The following GFRA1 variants were observed in gnomAD, a reference collection of about 807,000 sequenced individuals.
The protein encoded by GFRA1 is GDNF family receptor alpha-1.
GFRA1 carries 16 observed loss-of-function variants against 51.6 expected under a neutral mutation model. The observed-to-expected ratio is 0.31, with a 90% CI of 0.21 to 0.47. The LOEUF (loss-of-function observed/expected upper bound fraction) is 0.47. Among genes scored for constraint, GFRA1 ranks in the 20% least tolerant of loss-of-function variants. GFRA1 has a pLI of 1.00. For missense variants in GFRA1, 530 were observed against 594.3 expected (o/e 0.89, Z 1.13); for synonymous variants, 270 against 241.3 (o/e 1.12, Z -1.10).
At chr10:116,115,791 T>C (rs1957389438) in intron 6 of GFRA1, among the ~76,000 whole-genome samples, 1 of 152,170 alleles carries the variant, frequency 6.6e-6, no homozygotes, top group Admixed American at 6.5e-5. Flanking sequence ...TTGGGTTAGT[T>C]CAGGCCTGGG....
chr10:116,080,884 ACT>A (rs921248112), intron 9 of GFRA1, among the ~76,000 whole-genome samples: 10 of 152,016 alleles, frequency 6.6e-5, no homozygotes, highest in African/African-American at 2.4e-4. Flanking sequence ...ACTTAATAAA[ACT>A]CTAACAAAAC....
chr10:116,121,659 A>C (rs915254369), intron 6 of GFRA1, among the ~76,000 whole-genome samples: 2 of 152,206 alleles, frequency 1.3e-5, no homozygotes, highest in Non-Finnish European at 2.9e-5. Context: ...GCTGATGTTA[A>C]GATGGAAATG....
intron 4 of GFRA1, among the ~76,000 whole-genome samples, chr10:116,255,171 T>C (rs1005387530): frequency 3.3e-5 from 5 of 152,190 alleles, no homozygotes; most frequent in African/African-American, 9.7e-5. Context: ...GGAACAAATG[T>C]CGACAAGATA....
chr10:116,167,847 CAT>C (rs879270878), intron 5 of GFRA1, among the ~76,000 whole-genome samples: 2 of 152,142 alleles, frequency 1.3e-5, no homozygotes, highest in Admixed American at 1.3e-4. Context: ...ATGAAATACT[CAT>C]GAGAGTCAGC....
chr10:116,177,023 A>G (rs1396138344), intron 5 of GFRA1, among the ~76,000 whole-genome samples: 2 of 152,178 alleles, frequency 1.3e-5, no homozygotes, highest in Non-Finnish European at 2.9e-5. Context: ...GGGAACAAAA[A>G]CAGAGAGGCT....
At chr10:116,155,631 A>G (rs1959185093) in intron 5 of GFRA1, among the ~76,000 whole-genome samples, 1 of 151,978 alleles carries the variant, frequency 6.6e-6, no homozygotes, top group Non-Finnish European at 1.5e-5. Flanking sequence ...GGTCAGGTTC[A>G]GCAAAATATG....
At chr10:116,103,777 T>C (rs1481043184) in intron 6 of GFRA1, among the ~76,000 whole-genome samples, 1 of 152,262 alleles carries the variant, frequency 6.6e-6, no homozygotes, top group Non-Finnish European at 1.5e-5. Flanking sequence ...CTTTCTGTTT[T>C]TAGAAAATTA....
At chr10:116,168,653 G>A (rs1326544246) in intron 5 of GFRA1, among the ~76,000 whole-genome samples, 2 of 152,108 alleles carry the variant, frequency 1.3e-5, no homozygotes, top group Non-Finnish European at 2.9e-5. Context: ...GGCCAACCTC[G>A]GGGGGTTAAC....
chr10:116,257,743 C>T (rs180926661), intron 4 of GFRA1, among the ~76,000 whole-genome samples: 3 of 152,280 alleles, frequency 2.0e-5, no homozygotes, highest in Admixed American at 1.3e-4. Context: ...CAATTTCATG[C>T]GATTCAATCT....
chr10:116,253,253 C>T (rs553835444), intron 4 of GFRA1, among the ~76,000 whole-genome samples: 5 of 152,324 alleles, frequency 3.3e-5, no homozygotes, highest in South Asian at 4.1e-4. Context: ...AAGCACAGAG[C>T]GCCAGGATAC....
chr10:116,148,279 C>T (rs2134125808), intron 5 of GFRA1, among the ~76,000 whole-genome samples: 2 of 152,156 alleles, frequency 1.3e-5, no homozygotes. Context: ...AAAGGTGAGG[C>T]ACAGCAGTTA....
chr10:116,128,851 C>G lies in GFRA1; in HGVS notation c.434-3294G>C, dbSNP rs747175505. ...TTTCCTCTTAATGTTATTAGAAAAG[C>G]AATATTTTTTTTAAAAAGGCTTTGT... On this transcript the variant is annotated intron_variant, in intron 5 of 10. Coordinates refer to ENST00000355422, the MANE Select transcript of GFRA1 (RefSeq NM_005264.8). Among the ~76,000 whole-genome samples the G allele has an allele frequency of 9.5e-4, 125 of 131,636 alleles. 1 individual carries two copies. The highest frequency in any genetic ancestry group is 1.8e-3 in the Non-Finnish European group (102 of 57,798). The allele number at this position is 131,636 out of a possible 152,430, so 86.4% of individuals were successfully genotyped here.
At chr10:116,220,248 T>C in intron 4 of GFRA1, among the ~76,000 whole-genome samples, 1 of 152,250 alleles carries the variant, frequency 6.6e-6, no homozygotes, top group Non-Finnish European at 1.5e-5. Flanking sequence ...CTGAAATCTT[T>C]AAGTTTCTAT....
At chr10:116,145,418 C>T (rs1958759106) in intron 5 of GFRA1, among the ~76,000 whole-genome samples, 1 of 131,668 alleles carries the variant, frequency 7.6e-6, no homozygotes, top group Admixed American at 8.4e-5. Flanking sequence ...AATAGAATTT[C>T]AATTTCAAAG....
intron 4 of GFRA1, among the ~76,000 whole-genome samples, chr10:116,228,782 A>C (rs1966487273): frequency 6.6e-6 from 1 of 151,870 alleles, no homozygotes; most frequent in Non-Finnish European, 1.5e-5. Flanking sequence ...GGAGTTCAAG[A>C]CCAGCCTGGC....
intron 4 of GFRA1, among the ~76,000 whole-genome samples, chr10:116,260,736 G>A (rs189397101): frequency 6.6e-6 from 1 of 152,126 alleles, no homozygotes; most frequent in Admixed American, 6.5e-5. Flanking sequence ...GACCCTCTTA[G>A]AACATTAATT....
chr10:116,210,572 G>A (rs987251934), intron 5 of GFRA1, among the ~76,000 whole-genome samples: 1 of 152,164 alleles, frequency 6.6e-6, no homozygotes, highest in Admixed American at 6.5e-5. Context: ...ATTTATAAAA[G>A]TAAGTCTATG....
chr10:116,097,950 G>A (rs1020549952), intron 6 of GFRA1, among the ~76,000 whole-genome samples: 15 of 152,172 alleles, frequency 9.9e-5, no homozygotes, highest in Non-Finnish European at 2.1e-4. Flanking sequence ...TCCCTTTCCT[G>A]CAATTTTAAC....
intron 5 of GFRA1, among the ~76,000 whole-genome samples, chr10:116,170,826 C>T (rs888051628): frequency 1.3e-5 from 2 of 152,162 alleles, no homozygotes; most frequent in African/African-American, 4.8e-5. Context: ...AAGAACTTCC[C>T]CTAAAAGCTT....
Sources: gnomAD v4.1 joint callset for allele counts (sites outside exome capture counted in the v4.1 genomes callset) on GRCh38, gnomAD v4.1.1 for gene constraint, MANE v1.5 for transcripts, NCBI Gene and HGNC (gene_info 2026-07-23, HGNC 2026-07-21) for gene names.